Variants in RAP1GDS1 observed in about 807,000 individuals in gnomAD.
RAP1GDS1 encodes the protein Rap1 GTPase-GDP dissociation stimulator 1, also known as RAP1, GTP-GDP dissociation stimulator 1.
Under a neutral mutation model 71.1 loss-of-function variants are expected in RAP1GDS1, and 35 were observed. The ratio of observed to expected loss-of-function variants is 0.49; its 90% CI spans 0.38 to 0.65. RAP1GDS1 has a LOEUF of 0.65. Ranked by LOEUF, RAP1GDS1 falls within the 30% of genes least tolerant of loss-of-function variation. The probability of loss-of-function intolerance (pLI) is 0.00; values close to 1 mark genes in which losing one functional copy is unlikely to be tolerated. For missense variants in RAP1GDS1, 663 were observed against 706.1 expected (o/e 0.94, Z 0.69); for synonymous variants, 229 against 243.1 (o/e 0.94, Z 0.54).
chr4:98,318,852 C>CTTGT (rs1019702889), intron 2 of RAP1GDS1, among the ~76,000 whole-genome samples: 1 of 152,190 alleles, frequency 6.6e-6, no homozygotes, highest in Non-Finnish European at 1.5e-5. Context: ...CAATTTAAAA[C>CTTGT]TTACAAATTG....
Position 98,417,450 on chromosome 4 carries a change from C to T in RAP1GDS1, c.991C>T (p.Gln331Ter). The change falls in exon 9 of 15, where the codon CAG (glutamine) becomes TAG (stop). Residue 331 changes from glutamine (Q) to a stop codon, truncating the protein, a stop_gained. Coordinates refer to ENST00000408927, the MANE Select transcript of RAP1GDS1 (RefSeq NM_001100427.2). LOFTEE classifies it high-confidence loss of function. Reference protein sequence around the residue: ...VLSWIPSNNHQLQLAGALAIA... With the variant: ...VLSWIPSNNH The stretch of plus-strand genomic sequence containing the variant: ...CTCTTGGATCCCATCAAATAACCAC[C>T]AGCTACAGCTTGCTGGAGCATTGGC... The T allele has an allele frequency of 6.2e-7, 1 of 1,613,802 alleles. No individual in the cohort carries two copies. Among genetic ancestry groups the T allele is most frequent in the Non-Finnish European group, 8.5e-7 (1 of 1,179,790 alleles).
rs1213705993 is a variant in RAP1GDS1, at chr4:98,430,286, A to G, written c.1441-3650A>G. On this transcript the variant is annotated intron_variant, in intron 12 of 14. Coordinates refer to ENST00000408927, the MANE Select transcript of RAP1GDS1 (RefSeq NM_001100427.2). ...ATTACAACTTTAGGATTACAATTCAATACCTTTACATATCTTTCCTACAAT... is the reference window on the plus strand; with the variant it reads ...ATTACAACTTTAGGATTACAATTCAGTACCTTTACATATCTTTCCTACAAT... Among the ~76,000 whole-genome samples, 3 of 152,232 alleles carry G rather than the reference A, an allele frequency of 2.0e-5. No individual in the cohort carries two copies. The East Asian group carries it at 5.8e-4, about 29-fold the overall frequency.
intron 3 of RAP1GDS1, among the ~76,000 whole-genome samples, chr4:98,347,352 A>G (rs1313555354): frequency 6.6e-6 from 1 of 152,248 alleles, no homozygotes; most frequent in East Asian, 1.9e-4. Context: ...TTACAAAAGA[A>G]TAAAAAATAA....
chr4:98,396,596 C>G (rs1039056084), intron 6 of RAP1GDS1: 2 of 152,112 alleles, frequency 1.3e-5, no homozygotes, highest in African/African-American at 4.8e-5. Context: ...CTGCCCTACC[C>G]CATTTGGAGG....
At chr4:98,382,075 AT>A (rs1269121589) in intron 5 of RAP1GDS1, among the ~76,000 whole-genome samples, 1 of 151,540 alleles carries the variant, frequency 6.6e-6, no homozygotes, top group African/African-American at 2.4e-5. Flanking sequence ...CAGTAAAGTC[AT>A]TTTTGTACCA....
At chr4:98,261,705 G>A (rs1721997414) in intron 1 of RAP1GDS1, 136 bp downstream of exon 1, 1 of 1,190,656 alleles carries the variant, frequency 8.4e-7, no homozygotes, top group South Asian at 1.5e-5. Flanking sequence ...TGTTCCTCCG[G>A]GGAGAGTCGG....
intron 2 of RAP1GDS1, among the ~76,000 whole-genome samples, chr4:98,313,059 ACT>A (rs1730473131): frequency 8.0e-6 from 1 of 124,778 alleles, no homozygotes; most frequent in African/African-American, 3.2e-5. Context: ...ACAGAGCAAG[ACT>A]CTGTCTCAAA....
intron 14 of RAP1GDS1, among the ~76,000 whole-genome samples, chr4:98,439,390 G>A (rs1378835240): frequency 1.3e-5 from 2 of 152,140 alleles, no homozygotes; most frequent in Admixed American, 1.3e-4. Flanking sequence ...ATGTGTCTTG[G>A]CATGGATTTC....
At chr4:98,341,012 TA>T (rs1735435198) in intron 2 of RAP1GDS1, among the ~76,000 whole-genome samples, 2 of 152,084 alleles carry the variant, frequency 1.3e-5, no homozygotes, top group Admixed American at 6.5e-5. Context: ...CCATGTACCC[TA>T]AACCTAAAAT....
At chr4:98,338,176 G>A (rs909642393) in intron 2 of RAP1GDS1, among the ~76,000 whole-genome samples, 1 of 152,050 alleles carries the variant, frequency 6.6e-6, no homozygotes, top group African/African-American at 2.4e-5. Flanking sequence ...TTAAATGTGG[G>A]GGTAGGAAGC....
intron 10 of RAP1GDS1, among the ~76,000 whole-genome samples, chr4:98,419,749 A>G (rs928309465): frequency 2.0e-5 from 3 of 152,222 alleles, no homozygotes; most frequent in Non-Finnish European, 4.4e-5. Flanking sequence ...AAACTATGTA[A>G]GTAAGTGTTT....
intron 1 of RAP1GDS1, among the ~76,000 whole-genome samples, chr4:98,286,009 A>G (rs930360386): frequency 6.6e-5 from 10 of 151,068 alleles, no homozygotes; most frequent in African/African-American, 2.4e-4. Flanking sequence ...GCTCATGCCT[A>G]TAATTCTAGC....
intron 4 of RAP1GDS1, among the ~76,000 whole-genome samples, chr4:98,359,588 T>TA (rs1185777811): frequency 6.6e-6 from 1 of 152,130 alleles, no homozygotes; most frequent in Non-Finnish European, 1.5e-5. Context: ...ATCATGAAGA[T>TA]ACGATTTTTT....
At chr4:98,262,564 A>G (rs1445117603) in intron 1 of RAP1GDS1, among the ~76,000 whole-genome samples, 1 of 152,210 alleles carries the variant, frequency 6.6e-6, no homozygotes, top group Non-Finnish European at 1.5e-5. Flanking sequence ...AGTTTCTTTT[A>G]ATAGTAGCGA....
chr4:98,413,362 C>T (rs1210625256), intron 7 of RAP1GDS1, among the ~76,000 whole-genome samples: 4 of 151,818 alleles, frequency 2.6e-5, no homozygotes, highest in Non-Finnish European at 5.9e-5. Flanking sequence ...CAATGCTATC[C>T]CTCCCCGCTC....
chr4:98,382,633 T>A (rs1742179751), intron 5 of RAP1GDS1, among the ~76,000 whole-genome samples: 1 of 151,686 alleles, frequency 6.6e-6, no homozygotes, highest in Admixed American at 6.6e-5. Context: ...GCCAAAACAT[T>A]GCAGTGATGA....
chr4:98,322,792 G>A (rs1164935808), intron 2 of RAP1GDS1, among the ~76,000 whole-genome samples: 1 of 135,114 alleles, frequency 7.4e-6, no homozygotes, highest in South Asian at 2.7e-4. Context: ...GAAATTTATA[G>A]CACTAAATGC....
chr4:98,319,778 C>CA (rs35696332), intron 2 of RAP1GDS1, among the ~76,000 whole-genome samples: 848 of 78,798 alleles, frequency 0.011, 12 homozygotes, highest in East Asian at 0.073. Context: ...GAGAATGTCT[C>CA]AAAAAAAAAA....
intron 2 of RAP1GDS1, among the ~76,000 whole-genome samples, chr4:98,312,987 T>A (rs1730455093): frequency 7.3e-6 from 1 of 136,380 alleles, no homozygotes; most frequent in South Asian, 2.2e-4. Context: ...GAGAATGGCA[T>A]GAACTTGGGA....
Sources: gnomAD v4.1 joint callset for allele counts (sites outside exome capture counted in the v4.1 genomes callset) on GRCh38, gnomAD v4.1.1 for gene constraint, MANE v1.5 for transcripts, NCBI Gene and HGNC (gene_info 2026-07-23, HGNC 2026-07-21) for gene names.